ZPBP: variants seen among roughly 807,000 people sequenced by gnomAD.
The protein encoded by ZPBP is zona pellucida-binding protein 1.
In ZPBP, 26 loss-of-function variants were observed where a neutral mutation model predicts 44.8. The observed-to-expected ratio is 0.58, with a 90% CI of 0.43 to 0.81. The LOEUF (loss-of-function observed/expected upper bound fraction) is 0.81. Ranked by LOEUF, ZPBP falls within the 30% of genes least tolerant of loss-of-function variation. The probability of loss-of-function intolerance (pLI) is 0.00; values close to 1 mark genes in which losing one functional copy is unlikely to be tolerated. For synonymous variants in ZPBP, 174 were observed against 153.2 expected (o/e 1.14, Z -1.00); for missense variants, 409 against 434.0 (o/e 0.94, Z 0.51).
At chr7:49,964,667 T>C (rs1322681660) in intron 7 of ZPBP, among the ~76,000 whole-genome samples, 1 of 152,150 alleles carries the variant, frequency 6.6e-6, no homozygotes, top group African/African-American at 2.4e-5. Context: ...AAAATGGATA[T>C]TGACAAGCTA....
chr7:49,953,417 GT>G (rs1442619892), intron 7 of ZPBP, among the ~76,000 whole-genome samples: 1 of 152,118 alleles, frequency 6.6e-6, no homozygotes, highest in African/African-American at 2.4e-5. Context: ...AACAGTGTCT[GT>G]TCCCAACAGC....
intron 4 of ZPBP, among the ~76,000 whole-genome samples, chr7:50,042,550 T>G (rs1250213196): frequency 2.0e-5 from 3 of 152,096 alleles, no homozygotes; most frequent in African/African-American, 7.2e-5. Context: ...AACCCAAAAT[T>G]TCATATCCAG....
At chr7:49,884,941 A>G (rs770662458) in intron 2 of ZPBP, among the ~76,000 whole-genome samples, 17 of 152,154 alleles carry the variant, frequency 1.1e-4, no homozygotes, top group Non-Finnish European at 2.4e-4. Flanking sequence ...ATGAAATAAT[A>G]GTTTCTAACA....
intron 2 of ZPBP, among the ~76,000 whole-genome samples, chr7:49,881,108 AGCCTGAGAG>A (rs1289764026): frequency 6.6e-6 from 1 of 150,990 alleles, no homozygotes; most frequent in South Asian, 2.1e-4. Flanking sequence ...CAGTTCTCTC[AGCCTGAGAG>A]GCCAGGTTTG....
At chr7:49,864,639 G>T (rs750946404) in intron 2 of ZPBP, among the ~76,000 whole-genome samples, 5 of 152,138 alleles carry the variant, frequency 3.3e-5, no homozygotes, top group Non-Finnish European at 7.3e-5. Context: ...CTTCCATCCC[G>T]AATGGCTTCT....
intron 4 of ZPBP, among the ~76,000 whole-genome samples, chr7:50,040,794 A>T (rs1800048169): frequency 6.6e-6 from 1 of 152,064 alleles, no homozygotes; most frequent in South Asian, 2.1e-4. Flanking sequence ...TGCCTGGAAC[A>T]CCAGCGAGAC....
chr7:49,963,599 T>A lies in ZPBP; in HGVS notation c.961+19743A>T, dbSNP rs572692130. On this transcript the variant is annotated intron_variant, in intron 7 of 7. Transcript: ENST00000046087. Reference sequence around the variant, plus strand: ...GATGGAAATTTCTGCATCTTCATAGTGATGTTAACTGATGTTAGTTAAATG... The same window carrying A: ...GATGGAAATTTCTGCATCTTCATAGAGATGTTAACTGATGTTAGTTAAATG... Among the ~76,000 whole-genome samples the A allele has an allele frequency of 1.8e-4, 27 of 151,934 alleles. No individual in the cohort carries two copies. The East Asian group carries it at 5.2e-3, about 29-fold the overall frequency.
intron 1 of ZPBP, among the ~76,000 whole-genome samples, chr7:49,908,689 GAGA>G (rs2128741287): frequency 6.6e-6 from 1 of 152,132 alleles, no homozygotes; most frequent in African/African-American, 2.4e-5. Context: ...AAAAGGAAGA[GAGA>G]AGGTTAATTA....
intron 1 of ZPBP, among the ~76,000 whole-genome samples, chr7:49,901,398 T>C (rs1792716178): frequency 6.6e-6 from 1 of 151,832 alleles, no homozygotes; most frequent in South Asian, 2.1e-4. Context: ...ATTCAATCAC[T>C]TTCCTATATA....
intron 5 of ZPBP, among the ~76,000 whole-genome samples, chr7:50,030,808 A>T (rs1179191358): frequency 1.3e-5 from 2 of 152,306 alleles, no homozygotes; most frequent in Admixed American, 1.3e-4. Flanking sequence ...TACAAATTAA[A>T]TCATTATATC....
chr7:50,060,051 C>G (rs1417493481), intron 3 of ZPBP, among the ~76,000 whole-genome samples: 1 of 152,160 alleles, frequency 6.6e-6, no homozygotes, highest in South Asian at 2.1e-4. Flanking sequence ...ACAGGGTACA[C>G]AAGCATCAGG....
intron 1 of ZPBP, 103 bp downstream of exon 1, chr7:50,092,963 GTC>G (rs748958817): frequency 1.4e-6 from 2 of 1,449,488 alleles, no homozygotes; most frequent in Non-Finnish European, 1.8e-6. Flanking sequence ...TGAGCAAGGT[GTC>G]TCTATATAAA....
intron 1 of ZPBP, chr7:49,913,717 A>G (rs1483071): frequency 0.67 from 102,084 of 151,980 alleles, 34,738 homozygotes; most frequent in East Asian, 0.89. Flanking sequence ...AGACCAGCAA[A>G]TGGAGATTAG....
chr7:49,960,402 C>T (rs922455274), intron 7 of ZPBP, among the ~76,000 whole-genome samples: 8 of 151,100 alleles, frequency 5.3e-5, no homozygotes, highest in East Asian at 3.9e-4. Context: ...GGCAGCAGAG[C>T]GAGACTCTGT....
intron 1 of ZPBP, among the ~76,000 whole-genome samples, chr7:49,907,660 A>G (rs543340754): frequency 2.0e-5 from 3 of 152,336 alleles, no homozygotes; most frequent in Non-Finnish European, 4.4e-5. Context: ...TTAGGGTAAC[A>G]TAAGACATCA....
chr7:50,018,937 G>A (rs1400354340), intron 5 of ZPBP, among the ~76,000 whole-genome samples: 1 of 151,974 alleles, frequency 6.6e-6, no homozygotes, highest in East Asian at 1.9e-4. Context: ...ATTGAATTTA[G>A]CAATGTAGAA....
intron 2 of ZPBP, among the ~76,000 whole-genome samples, chr7:49,892,297 C>T (rs1266465957): frequency 7.2e-5 from 11 of 151,928 alleles, no homozygotes; most frequent in Non-Finnish European, 1.0e-4. Context: ...CTGCCCGCCT[C>T]GGCCTCCCAA....
chr7:50,017,727 G>A (rs558551877), intron 6 of ZPBP, among the ~76,000 whole-genome samples: 1 of 151,986 alleles, frequency 6.6e-6, no homozygotes, highest in Admixed American at 6.6e-5. Flanking sequence ...TTATAATTAG[G>A]CATAGGAAGA....
intron 7 of ZPBP, among the ~76,000 whole-genome samples, chr7:49,964,591 A>T (rs1407668168): frequency 6.6e-6 from 1 of 152,122 alleles, no homozygotes; most frequent in Non-Finnish European, 1.5e-5. Context: ...GAAGCCCTAA[A>T]GAAAGACAGG....
Sources: gnomAD v4.1 joint callset for allele counts (sites outside exome capture counted in the v4.1 genomes callset) on GRCh38, gnomAD v4.1.1 for gene constraint, MANE v1.5 for transcripts, NCBI Gene and HGNC (gene_info 2026-07-23, HGNC 2026-07-21) for gene names.